MGA: variants seen among roughly 807,000 people sequenced by gnomAD.
MGA encodes the protein MAX gene-associated protein.
A neutral mutation model predicts 261.1 loss-of-function variants in MGA; 40 were observed. The observed-to-expected ratio is 0.15, with a 90% confidence interval of 0.12 to 0.20. The LOEUF (loss-of-function observed/expected upper bound fraction) is 0.20. MGA is among the 10% of genes least tolerant of loss of function. The probability of loss-of-function intolerance (pLI) is 1.00; values close to 1 mark genes in which losing one functional copy is unlikely to be tolerated. For missense variants in MGA, 3,397 were observed against 3,630.5 expected, an observed-to-expected ratio of 0.94 and a Z score of 1.65; for synonymous variants, 1,302 against 1,290.6, an observed-to-expected ratio of 1.01 and a Z score of -0.19.
chr15:41,766,660 C>T lies in MGA; in HGVS notation c.8578C>T (p.Arg2860Trp), dbSNP rs1012955328. Residue 2860 changes from arginine to tryptophan, a missense_variant, in exon 24 of 24, where the codon CGG becomes TGG. Arg to Trp is a moderately radical substitution (Grantham distance 101). Transcript: ENST00000219905. The stretch of plus-strand genomic sequence containing the variant: ...GGATACAGAGTTCCCAGGGGATGCT[C>T]GGCGGGCTTTTATTAGTAAGGTTCC... The T allele has an allele frequency of 5.6e-6, 9 of 1,613,846 alleles. No homozygotes were observed. Among genetic ancestry groups the T allele is most frequent in the South Asian group, 3.3e-5 (3 of 91,082 alleles).
chr15:41,699,017 C>T, intron 4 of MGA, 47 bp from the exon 5 acceptor site: 1 of 1,560,946 alleles, frequency 6.4e-7, no homozygotes, highest in Admixed American at 1.9e-5. Flanking sequence ...ATTCATTTGT[C>T]TGTAGTGTAC....
intron 1 of MGA, among the ~76,000 whole-genome samples, chr15:41,663,970 C>T (rs1054868640): frequency 1.3e-5 from 2 of 152,180 alleles, no homozygotes; most frequent in East Asian, 1.9e-4. Flanking sequence ...ATGCTTATAG[C>T]GAAGTGGAAT....
chr15:41,748,890 C>G lies in MGA; in HGVS notation c.5466C>G (p.Thr1822=). 1 of 1,613,858 alleles carries G rather than the reference C, an allele frequency of 6.2e-7. No individual in the cohort carries two copies. The highest frequency in any genetic ancestry group is 1.7e-5 in the Admixed American group (1 of 60,014). Reference sequence around the variant, plus strand: ...TGCATCAGCTTCGAGGCTCTAATACCCAGCCCAACTTACAGCCTGTCATGT... The same window carrying G: ...TGCATCAGCTTCGAGGCTCTAATACGCAGCCCAACTTACAGCCTGTCATGT... The change falls in exon 16 of 24, where the codon ACC becomes ACG. Residue 1822 remains threonine, a synonymous_variant. Coordinates refer to ENST00000219905, the MANE Select transcript of MGA (RefSeq NM_001164273.2).
At chr15:41,751,470 T>A (rs952118152) in intron 17 of MGA, 1 of 152,148 alleles carries the variant, frequency 6.6e-6, no homozygotes, top group Non-Finnish European at 1.5e-5. Context: ...ACACCCATAA[T>A]CCCAGCACTT....
intron 2 of MGA, among the ~76,000 whole-genome samples, chr15:41,677,375 C>T (rs147954348): frequency 0.033 from 4,996 of 152,324 alleles, 137 homozygotes; most frequent in South Asian, 0.07. Context: ...CTCCTGACCT[C>T]AGGTGATCCA....
intron 7 of MGA, among the ~76,000 whole-genome samples, chr15:41,709,462 A>G (rs538991866): frequency 6.4e-4 from 98 of 152,080 alleles, no homozygotes; most frequent in Middle Eastern, 3.4e-3. Context: ...CTCGCTTTTT[A>G]AAGACGGGGT....
At chr15:41,747,997 C>T (rs1344628370) in intron 15 of MGA, among the ~76,000 whole-genome samples, 1 of 152,192 alleles carries the variant, frequency 6.6e-6, no homozygotes, top group Non-Finnish European at 1.5e-5. Flanking sequence ...TGGCTCATGG[C>T]TGCAGTCCCA....
chr15:41,711,122 A>T lies in MGA; in HGVS notation c.2857A>T (p.Asn953Tyr). Residue 953 changes from asparagine to tyrosine, a missense_variant, in exon 8 of 24, where the codon AAC (asparagine) becomes TAC (tyrosine). By Grantham distance (143) the Asn-to-Tyr change is moderately radical. Transcript: ENST00000219905. ...CATCATCTCAGAAAATCAGGCGAAT[A>T]ACTTTGTTGTGCCAACTTTGGATGA... is the stretch of plus-strand genomic sequence containing the variant. 1 of 1,614,044 alleles carries T rather than the reference A, an allele frequency of 6.2e-7. No homozygotes were observed. The highest frequency in any genetic ancestry group is 8.5e-7 in the Non-Finnish European group (1 of 1,179,900).
In MGA at chr15:41,743,101, C is replaced by T; in HGVS notation, c.5141C>T (p.Thr1714Ile). The stretch of plus-strand genomic sequence containing the variant: ...TCTTCCTCCATGGTGACCACACCAA[C>T]TTCATCTCTGGGCTCTGTTCCTATT... The change falls in exon 15 of 24, where the codon ACT becomes ATT. Residue 1714 changes from threonine to isoleucine, a missense_variant. Coordinates refer to ENST00000219905, the MANE Select transcript of MGA (RefSeq NM_001164273.2). The T allele has an allele frequency of 6.2e-7, 1 of 1,613,950 alleles. No homozygotes were observed. The highest frequency in any genetic ancestry group is 8.5e-7 in the Non-Finnish European group (1 of 1,179,840).
At chr15:41,643,002 C>T (rs2056855608) in intron 1 of MGA, among the ~76,000 whole-genome samples, 1 of 151,538 alleles carries the variant, frequency 6.6e-6, no homozygotes, top group African/African-American at 2.4e-5. Flanking sequence ...TAGCCTCATC[C>T]TCCCAGGCTC....
At chr15:41,656,896 C>A (rs2057214078), upstream of MGA, among the ~76,000 whole-genome samples, 1 of 152,114 alleles carries the variant, frequency 6.6e-6, no homozygotes, top group African/African-American at 2.4e-5. Context: ...CTCACTTCAG[C>A]CTCCTGAGTA....
intron 2 of MGA, among the ~76,000 whole-genome samples, chr15:41,671,742 T>G (rs2150977442): frequency 6.6e-6 from 1 of 152,336 alleles, no homozygotes; most frequent in East Asian, 1.9e-4. Context: ...CACTAACAGC[T>G]ACTATTTTTT....
rs1054333532 is a variant in MGA, at chr15:41,716,440, C to G, written c.3430+2944C>G. On this transcript the variant is annotated intron_variant, in intron 9 of 23. Coordinates refer to ENST00000219905, the MANE Select transcript of MGA (RefSeq NM_001164273.2). ...CTGCACTCCAGCCTGGGCGACAAAGCGAGACTCCGTATCAAAAAAAAGAAA... is the reference window on the plus strand; with the variant it reads ...CTGCACTCCAGCCTGGGCGACAAAGGGAGACTCCGTATCAAAAAAAAGAAA... 5.9e-5 allele frequency among the ~76,000 whole-genome samples: 9 copies of G among 151,398 alleles called. No homozygotes were observed. The South Asian group carries it at 8.4e-4, about 14-fold the overall frequency.
intron 8 of MGA, among the ~76,000 whole-genome samples, chr15:41,711,821 G>A (rs1421391497): frequency 2.0e-5 from 3 of 151,918 alleles, no homozygotes; most frequent in Admixed American, 6.6e-5. Flanking sequence ...TCAGCCTTTC[G>A]AGTAGCTGGG....
intron 1 of MGA, among the ~76,000 whole-genome samples, chr15:41,662,251 G>C (rs1265379592): frequency 6.6e-6 from 1 of 152,250 alleles, no homozygotes; most frequent in South Asian, 2.1e-4. Context: ...TTTGACTACT[G>C]CCAGTTTCTG....
intron 1 of MGA, among the ~76,000 whole-genome samples, chr15:41,662,155 G>C (rs2057452865): frequency 6.6e-6 from 1 of 152,182 alleles, no homozygotes. Flanking sequence ...TGTGGGTTAA[G>C]TGGGTTGGGT....
At chr15:41,631,820 A>G (rs184519169) in intron 1 of MGA, among the ~76,000 whole-genome samples, 3 of 152,310 alleles carry the variant, frequency 2.0e-5, no homozygotes, top group East Asian at 3.9e-4. Flanking sequence ...AGATAAATAC[A>G]TAAGCACAAA....
intron 2 of MGA, among the ~76,000 whole-genome samples, chr15:41,680,660 A>G (rs1656788086): frequency 6.6e-6 from 1 of 152,210 alleles, no homozygotes; most frequent in Non-Finnish European, 1.5e-5. Context: ...GGACCAGCCT[A>G]ATGAGACGTA....
chr15:41,701,130 T>C (rs1391558693), intron 5 of MGA, among the ~76,000 whole-genome samples: 1 of 152,236 alleles, frequency 6.6e-6, no homozygotes, highest in East Asian at 1.9e-4. Flanking sequence ...CAGCTTTAGC[T>C]TCTGCTATTT....
Sources: allele counts gnomAD v4.1 joint callset (sites outside exome capture counted in the v4.1 genomes callset), GRCh38; gene constraint gnomAD v4.1.1; transcripts MANE v1.5; gene names NCBI Gene and HGNC (gene_info 2026-07-23, HGNC 2026-07-21).